The following DNM1L variants were observed in gnomAD, a reference collection of about 807,000 sequenced individuals.
DNM1L encodes the protein dynamin 1L.
Under a neutral mutation model 92.8 loss-of-function variants are expected in DNM1L, and 33 were observed. The ratio of observed to expected loss-of-function variants is 0.36; its 90% CI spans 0.27 to 0.48. DNM1L has a LOEUF of 0.48. DNM1L is among the 20% of genes least tolerant of loss of function. The pLI is 0.99. For synonymous variants in DNM1L, 284 were observed against 305.0 expected, an observed-to-expected ratio of 0.93 and a Z score of 0.72; for missense variants, 485 against 888.8, an observed-to-expected ratio of 0.55 and a Z score of 5.78.
intron 2 of DNM1L, chr12:32,706,699 A>C (rs945539969): frequency 2.2e-6 from 1 of 454,592 alleles, no homozygotes; most frequent in Non-Finnish European, 4.4e-6. Context: ...GTTCCAAGGG[A>C]AAACAGTCTT....
In DNM1L at chr12:32,737,172, GT is replaced by G; in HGVS notation, c.1596+16del. On this transcript the variant is annotated intron_variant, in intron 14 of 19. Transcript: ENST00000549701. ...GTATCACGAGACAAGGTAAAAAAAT[GT>G]TTTTAATGCATATTCCCAATACCTA... is the stretch of plus-strand genomic sequence containing the variant. 6.2e-7 allele frequency: 1 copy of G among 1,613,328 alleles called. No individual in the cohort carries two copies. The highest frequency in any genetic ancestry group is 8.5e-7 in the Non-Finnish European group (1 of 1,179,636).
rs1239801709 is a variant in DNM1L, at chr12:32,743,522, CAT to C, written c.*113_*114del. The C allele has an allele frequency of 8.1e-6, 8 of 992,656 alleles. No individual in the cohort carries two copies. The African/African-American group carries it at 1.3e-4, about 16-fold the overall frequency. 61.5% of individuals were successfully genotyped at this position (992,656 alleles called of 1,614,324 possible). Reference sequence around the variant, plus strand: ...TGTATTGCAATGGTATGAATCTGCTCATGTGGAGACTGGCTATAAACTGAAAA... The same window carrying C: ...TGTATTGCAATGGTATGAATCTGCTCGTGGAGACTGGCTATAAACTGAAAA... On this transcript the variant is annotated 3_prime_UTR_variant, in exon 20 of 20. Transcript: ENST00000549701.
intron 1 of DNM1L, among the ~76,000 whole-genome samples, chr12:32,690,347 A>G (rs1249996458): frequency 1.3e-5 from 2 of 152,230 alleles, no homozygotes; most frequent in Non-Finnish European, 2.9e-5. Flanking sequence ...GCCTTAAAAA[A>G]ATCAGAAAAT....
intron 9 of DNM1L, among the ~76,000 whole-genome samples, chr12:32,730,281 T>C (rs947256339): frequency 5.3e-5 from 8 of 152,226 alleles, no homozygotes; most frequent in Non-Finnish European, 7.3e-5. Flanking sequence ...GGAGAATCGC[T>C]TGAACCCAGG....
rs565531935 is a variant in DNM1L, at chr12:32,745,353, A to G, written c.*1943A>G. 8.7e-4 allele frequency: 198 copies of G among 228,812 alleles called. 1 individual carries two copies. Among genetic ancestry groups the G allele is most frequent in the African/African-American group, 3.9e-3 (165 of 42,396 alleles). The allele number at this position is 228,812 out of a possible 1,614,324, so 14.2% of individuals were successfully genotyped here. A position where few individuals can be genotyped will look rare whatever the true frequency, so the allele number is the denominator to read the frequency against. On this transcript the variant is annotated 3_prime_UTR_variant, in exon 20 of 20. Coordinates refer to ENST00000549701, the MANE Select transcript of DNM1L (RefSeq NM_012062.5). ...ACATCAGATTTCAAATTGAAAATTA[A>G]AGACATGCTATGGTAATGCACTTGC...
intron 1 of DNM1L, 82 bp downstream of exon 1, chr12:32,679,547 C>G (rs1225264415): frequency 2.3e-5 from 33 of 1,446,088 alleles, no homozygotes; most frequent in Non-Finnish European, 3.0e-5. Flanking sequence ...CACTCCCGCG[C>G]CAGCGCCCAC....
In DNM1L at chr12:32,699,101, C is replaced by T. The variant is rs562962214; in HGVS notation, c.103-2314C>T. Among the ~76,000 whole-genome samples the T allele has an allele frequency of 7.9e-5, 12 of 151,990 alleles. 1 individual carries two copies. In the South Asian group the frequency reaches 2.5e-3, roughly 32 times the overall value. ...GGCCTTGTTCTTAGGAGATGCATGC[C>T]ACAATGTTTAGAGTGGAGTATCATG... On this transcript the variant is annotated intron_variant, in intron 1 of 19. Coordinates refer to ENST00000549701, the MANE Select transcript of DNM1L (RefSeq NM_012062.5).
chr12:32,702,051 T>C (rs1006224330), intron 2 of DNM1L, among the ~76,000 whole-genome samples: 1 of 150,762 alleles, frequency 6.6e-6, no homozygotes, highest in African/African-American at 2.4e-5. Context: ...CTGGCCAATA[T>C]GGTGAAACCC....
At chr12:32,718,910 T>A in intron 7 of DNM1L, 147 bp downstream of exon 7, 2 of 1,223,194 alleles carry the variant, frequency 1.6e-6, no homozygotes, top group Non-Finnish European at 1.2e-6. Flanking sequence ...ATGATCTTGG[T>A]ATTGCTAAAG....
intron 12 of DNM1L, among the ~76,000 whole-genome samples, 183 bp downstream of exon 12, chr12:32,732,126 TG>T (rs1157886943): frequency 6.6e-6 from 1 of 152,156 alleles, no homozygotes; most frequent in African/African-American, 2.4e-5. Flanking sequence ...TTAATAATTC[TG>T]GTATAAAGTG....
chr12:32,689,204 A>G (rs187622612), intron 1 of DNM1L, among the ~76,000 whole-genome samples: 1 of 152,086 alleles, frequency 6.6e-6, no homozygotes, highest in Non-Finnish European at 1.5e-5. Context: ...ATTTTATTTT[A>G]TTTTATTTTT....
intron 16 of DNM1L, 104 bp from the exon 17 acceptor site, chr12:32,739,959 AG>A: frequency 6.9e-7 from 1 of 1,441,988 alleles, no homozygotes; most frequent in Non-Finnish European, 9.6e-7. Flanking sequence ...AATAAACTTC[AG>A]ATGGGTACTG....
intron 9 of DNM1L, among the ~76,000 whole-genome samples, chr12:32,723,995 T>G (rs1953943409): frequency 6.6e-6 from 1 of 152,172 alleles, no homozygotes; most frequent in Non-Finnish European, 1.5e-5. Context: ...GTAATTTTGT[T>G]AAGAGCAGGA....
intron 1 of DNM1L, among the ~76,000 whole-genome samples, chr12:32,680,632 C>G (rs1325120432): frequency 6.6e-6 from 1 of 152,134 alleles, no homozygotes; most frequent in African/African-American, 2.4e-5. Flanking sequence ...ATCTTGCCTA[C>G]GTATTCTAGT....
intron 9 of DNM1L, chr12:32,727,042 G>A (rs7310136): frequency 0.14 from 101,017 of 735,418 alleles, 7,413 homozygotes; most frequent in African/African-American, 0.21. Context: ...TTAAAAACAG[G>A]TAACCAAAAT....
chr12:32,701,760 C>A (rs1445563210), intron 2 of DNM1L, among the ~76,000 whole-genome samples, 198 bp downstream of exon 2: 3 of 151,646 alleles, frequency 2.0e-5, no homozygotes, highest in Admixed American at 6.6e-5. Flanking sequence ...GGAGGTCTTA[C>A]TCTGTCGCCC....
intron 7 of DNM1L, among the ~76,000 whole-genome samples, chr12:32,719,737 T>C (rs1327194447): frequency 6.6e-6 from 1 of 152,190 alleles, no homozygotes; most frequent in African/African-American, 2.4e-5. Context: ...ATTGAGTGTC[T>C]AATTACGTTT....
intron 19 of DNM1L, 115 bp downstream of exon 19, chr12:32,742,863 T>C: frequency 2.4e-6 from 3 of 1,229,682 alleles, no homozygotes; most frequent in Non-Finnish European, 3.5e-6. Context: ...GCTAGGCTTG[T>C]TTCCTGTTGG....
intron 12 of DNM1L, chr12:32,732,566 G>A (rs1333280417): frequency 4.4e-6 from 2 of 455,846 alleles, no homozygotes; most frequent in Non-Finnish European, 4.4e-6. Context: ...TCAGGATGGT[G>A]AACCCCGTGG....
Sources: allele counts gnomAD v4.1 joint callset (sites outside exome capture counted in the v4.1 genomes callset), GRCh38; gene constraint gnomAD v4.1.1; transcripts MANE v1.5; gene names NCBI Gene and HGNC (gene_info 2026-07-23, HGNC 2026-07-21).